CLDN14: variants seen among roughly 807,000 people sequenced by gnomAD.
The protein encoded by CLDN14 is claudin 14, also known as claudin-14.
In CLDN14, 2 loss-of-function variants were observed where a neutral mutation model predicts 2.1. The observed-to-expected ratio is 0.96, with a 90% CI of 0.39 to 3.01. The LOEUF is 3.01. CLDN14 is among the 30% of genes most tolerant of loss of function. The pLI is 0.09. For synonymous variants in CLDN14, 136 were observed against 154.4 expected, an observed-to-expected ratio of 0.88 and a Z score of 0.88; for missense variants, 298 against 328.0, an observed-to-expected ratio of 0.91 and a Z score of 0.71.
rs2086581426 is a variant in CLDN14 at position 36,461,773 on chromosome 21, A to G, written c.-78T>C. 1 of 1,525,344 alleles carries G rather than the reference A, an allele frequency of 6.6e-7. No individual in the cohort carries two copies. Among genetic ancestry groups the G allele is most frequent in the Non-Finnish European group, 8.8e-7 (1 of 1,136,610 alleles). 94.5% of individuals were successfully genotyped at this position (1,525,344 alleles called of 1,614,324 possible). The stretch of plus-strand genomic sequence containing the variant: ...ACGCCGCTCCTCAGGTGCCAGCCGG[A>G]GCCCTAATGAAGCCAAGGGAGGCGG... On this transcript the variant is annotated 5_prime_UTR_variant, in exon 2 of 2. Coordinates refer to ENST00000399135, the MANE Select transcript of CLDN14 (RefSeq NM_001146079.2).
rs1034937479 is a variant in CLDN14 at position 36,551,841 on chromosome 21, C to T, written c.-220+24570G>A. Among the ~76,000 whole-genome samples, 4 of 152,156 alleles carry T rather than the reference C, an allele frequency of 2.6e-5. No homozygotes were observed. Among genetic ancestry groups the T allele is most frequent in the Non-Finnish European group, 4.4e-5 (3 of 68,030 alleles). On this transcript the variant is annotated intron_variant, in intron 1 of 2. Transcript: ENST00000342108. The surrounding 1 kb of genome is among the most constrained non-coding windows in gnomAD (Gnocchi z 4.8). ...CTCATTGCAACTGCTCCTGTCCTGT[C>T]GGTCGAGAGGAGAGTGCAGCATGAC...
intron 1 of CLDN14, among the ~76,000 whole-genome samples, chr21:36,570,242 T>C (rs186795458): frequency 2.0e-5 from 3 of 152,308 alleles, no homozygotes; most frequent in Admixed American, 2.0e-4. Flanking sequence ...AGACCAAAGT[T>C]TGTCATGCAG....
intron 2 of CLDN14, among the ~76,000 whole-genome samples, chr21:36,492,466 A>AAAAAAAAAAG (rs2086977857): frequency 6.7e-6 from 1 of 148,220 alleles, no homozygotes; most frequent in Non-Finnish European, 1.5e-5. Flanking sequence ...AAAAAAAAAA[A>AAAAAAAAAAG]AATGCAAAAA....
chr21:36,476,251 A>G (rs2086777994), intron 1 of CLDN14, among the ~76,000 whole-genome samples: 1 of 152,170 alleles, frequency 6.6e-6, no homozygotes, highest in Non-Finnish European at 1.5e-5. Flanking sequence ...GCCTTCTGCC[A>G]TCTAGAAAAA....
chr21:36,544,072 G>A lies in CLDN14; in HGVS notation c.-220+32339C>T, dbSNP rs562895962. On this transcript the variant is annotated intron_variant, in intron 1 of 2. Transcript: ENST00000342108. This position sits in a 1 kb window ranked among gnomAD's most constrained non-coding sequence, Gnocchi z 4.1. ...TGCACTGGCTGAATTGCTAGCAGCC[G>A]GGTTTCAATTTGGGGACCCAATGGG... Among the ~76,000 whole-genome samples the A allele has an allele frequency of 1.4e-4, 21 of 152,352 alleles. No individual in the cohort carries two copies. The highest frequency in any genetic ancestry group is 4.8e-4 in the African/African-American group (20 of 41,580).
chr21:36,486,985 A>T (rs62229459), intron 2 of CLDN14: 1 of 359,796 alleles, frequency 2.8e-6, no homozygotes, highest in Non-Finnish European at 5.3e-6. Flanking sequence ...GATTTTGTTT[A>T]ATTTTTTTTT....
intron 1 of CLDN14, among the ~76,000 whole-genome samples, chr21:36,550,251 A>G (rs1185662463): frequency 6.6e-6 from 1 of 152,198 alleles, no homozygotes; most frequent in Admixed American, 6.5e-5. Context: ...TCGCTGCATT[A>G]AATTAAATTC....
intron 1 of CLDN14, among the ~76,000 whole-genome samples, chr21:36,519,011 A>G (rs1345980126): frequency 6.6e-6 from 1 of 152,176 alleles, no homozygotes; most frequent in East Asian, 1.9e-4. Flanking sequence ...TTTCTCACCC[A>G]TGTCCAGAGA....
At chr21:36,571,240 G>A (rs753101237) in intron 1 of CLDN14, among the ~76,000 whole-genome samples, 1 of 152,220 alleles carries the variant, frequency 6.6e-6, no homozygotes, top group African/African-American at 2.4e-5. Context: ...AACAACTGAA[G>A]TTGGAAAAAT....
At chr21:36,475,133 G>A (rs749932731) in intron 1 of CLDN14, among the ~76,000 whole-genome samples, 4 of 152,162 alleles carry the variant, frequency 2.6e-5, no homozygotes, top group South Asian at 2.1e-4. Flanking sequence ...AGACTATCAC[G>A]CCGGACAGCC....
At chr21:36,469,547 C>T (rs946298873) in intron 1 of CLDN14, among the ~76,000 whole-genome samples, 4 of 152,198 alleles carry the variant, frequency 2.6e-5, no homozygotes, top group African/African-American at 7.2e-5. Flanking sequence ...GGAAATGACA[C>T]GTTCCATGAA....
At chr21:36,546,792 A>C (rs2087528670) in intron 1 of CLDN14, among the ~76,000 whole-genome samples, 1 of 152,246 alleles carries the variant, frequency 6.6e-6, no homozygotes, top group African/African-American at 2.4e-5. Context: ...GAATCTTCGT[A>C]AGTCTCCCAA....
Position 36,510,833 on chromosome 21 carries a change from G to T in CLDN14, c.-219-333C>A, listed in dbSNP as rs150604329. The stretch of plus-strand genomic sequence containing the variant: ...ATCTGGCTACAGAAAAACCCACATG[G>T]GGTGTTGGGGACGCCAGTAAAGGGC... On this transcript the variant is annotated intron_variant, in intron 1 of 2. Transcript: ENST00000342108. Among the ~76,000 whole-genome samples the T allele has an allele frequency of 3.7e-3, 571 of 152,342 alleles. 2 individuals carry two copies. Among genetic ancestry groups the T allele is most frequent in the Non-Finnish European group, 6.7e-3 (456 of 68,028 alleles).
At chr21:36,518,918 C>CG (rs2087248710) in intron 1 of CLDN14, among the ~76,000 whole-genome samples, 1 of 152,160 alleles carries the variant, frequency 6.6e-6, no homozygotes, top group African/African-American at 2.4e-5. Flanking sequence ...GCAACCTCCC[C>CG]GCTAGTAAAA....
intron 1 of CLDN14, among the ~76,000 whole-genome samples, chr21:36,513,134 C>T (rs1339106848): frequency 2.0e-5 from 3 of 152,202 alleles, no homozygotes; most frequent in African/African-American, 4.8e-5. Flanking sequence ...GTGGTCCCAT[C>T]CCATCCCATC....
upstream of CLDN14, among the ~76,000 whole-genome samples, chr21:36,485,121 AT>A (rs922760108): frequency 6.6e-6 from 1 of 151,516 alleles, no homozygotes; most frequent in African/African-American, 2.4e-5. Flanking sequence ...TTCAATATGC[AT>A]TTTGGGGGAC....
intron 1 of CLDN14, among the ~76,000 whole-genome samples, chr21:36,510,841 G>A (rs1192894322): frequency 6.6e-6 from 1 of 152,234 alleles, no homozygotes; most frequent in African/African-American, 2.4e-5. Context: ...TGGGGTGTTG[G>A]GGACGCCAGT....
At chr21:36,531,711 C>G (rs1265819680) in intron 1 of CLDN14, among the ~76,000 whole-genome samples, 1 of 139,588 alleles carries the variant, frequency 7.2e-6, no homozygotes, top group African/African-American at 2.7e-5. Flanking sequence ...TTTTTTTTAA[C>G]TAAGGAAAAT....
chr21:36,557,563 G>C (rs968100751), intron 1 of CLDN14, among the ~76,000 whole-genome samples: 2 of 152,114 alleles, frequency 1.3e-5, no homozygotes, highest in Non-Finnish European at 2.9e-5. Flanking sequence ...TCAAATACCT[G>C]TTGGCCATTT....
Sources: allele counts gnomAD v4.1 joint callset (sites outside exome capture counted in the v4.1 genomes callset), GRCh38; gene constraint gnomAD v4.1.1; non-coding constraint Gnocchi (gnomAD v3.1); transcripts MANE v1.5; gene names NCBI Gene and HGNC (gene_info 2026-07-23, HGNC 2026-07-21).